Variants in RBFOX1 observed in about 807,000 individuals in gnomAD.
RBFOX1 encodes the protein RNA binding protein fox-1 homolog 1.
A neutral mutation model predicts 57.7 loss-of-function variants in RBFOX1; 8 were observed. The ratio of observed to expected loss-of-function variants is 0.14; its 90% CI spans 0.08 to 0.25. The LOEUF is 0.25. RBFOX1 is among the 10% of genes least tolerant of loss of function. The probability of loss-of-function intolerance (pLI) is 1.00; values close to 1 mark genes in which losing one functional copy is unlikely to be tolerated. For synonymous variants in RBFOX1, 326 were observed against 222.4 expected (o/e 1.47, Z -4.15); for missense variants, 611 against 548.5 (o/e 1.11, Z -1.14).
At chr16:6,489,264 C>G (rs2095575464) in intron 2 of RBFOX1, among the ~76,000 whole-genome samples, 1 of 152,116 alleles carries the variant, frequency 6.6e-6, no homozygotes, top group African/African-American at 2.4e-5. Context: ...CTTCTTTTCC[C>G]TCAGTATTCA....
chr16:7,019,895 T>A (rs1344803098), intron 3 of RBFOX1, among the ~76,000 whole-genome samples: 1 of 152,176 alleles, frequency 6.6e-6, no homozygotes, highest in Non-Finnish European at 1.5e-5. Context: ...GTGTTCCAAC[T>A]AAACCCTGCT....
chr16:6,863,156 G>A lies in RBFOX1; in HGVS notation c.-15-188901G>A, dbSNP rs141840720. On this transcript the variant is annotated intron_variant, in intron 3 of 15. Transcript: ENST00000550418. The stretch of plus-strand genomic sequence containing the variant: ...GAAATTAATAAGCAGGGGATCAAAA[G>A]TCTAGGTGAAAAAACAGGAGGGCTT... 5.9e-3 allele frequency among the ~76,000 whole-genome samples: 900 copies of A among 152,176 alleles called. 7 individuals are homozygous for A. The highest frequency in any genetic ancestry group is 0.01 in the Non-Finnish European group (691 of 67,982).
chr16:6,699,611 G>A (rs1019257), intron 3 of RBFOX1, among the ~76,000 whole-genome samples: 28,850 of 152,074 alleles, frequency 0.19, 3,623 homozygotes, highest in East Asian at 0.46. Context: ...ACTGTACGAC[G>A]GGAAGAGTGT....
At chr16:6,750,609 T>C (rs2154190961) in intron 3 of RBFOX1, among the ~76,000 whole-genome samples, 1 of 152,326 alleles carries the variant, frequency 6.6e-6, no homozygotes, top group African/African-American at 2.4e-5. Context: ...TCAGAGATAT[T>C]TTGAAAGAAA....
chr16:7,326,740 C>T (rs532431524), intron 4 of RBFOX1, among the ~76,000 whole-genome samples: 82 of 152,072 alleles, frequency 5.4e-4, no homozygotes, highest in African/African-American at 1.8e-3. Context: ...GGCGACAGAG[C>T]CCAGATCCCC....
intron 3 of RBFOX1, among the ~76,000 whole-genome samples, chr16:6,907,639 T>C (rs1272126704): frequency 3.3e-5 from 5 of 152,122 alleles, no homozygotes; most frequent in African/African-American, 1.2e-4. Context: ...GGCACGATCT[T>C]GGCTCACTGC....
intron 4 of RBFOX1, among the ~76,000 whole-genome samples, chr16:7,471,770 G>C (rs1210989244): frequency 6.6e-6 from 1 of 152,206 alleles, no homozygotes; most frequent in Non-Finnish European, 1.5e-5. Context: ...AAGACTTTCA[G>C]TCTCTTTCCC....
chr16:7,374,465 T>G (rs939576118), intron 4 of RBFOX1, among the ~76,000 whole-genome samples: 3 of 152,130 alleles, frequency 2.0e-5, no homozygotes, highest in Non-Finnish European at 4.4e-5. Flanking sequence ...TTCCAAGATA[T>G]GGTGTAACTG....
At chr16:5,729,222 C>T (rs1567457661) in intron 3 of RBFOX1, among the ~76,000 whole-genome samples, 2 of 152,108 alleles carry the variant, frequency 1.3e-5, no homozygotes, top group Non-Finnish European at 2.9e-5. Context: ...TGTAGTCTGT[C>T]AGATAGGGGT....
chr16:6,760,519 G>C (rs1297387210), intron 3 of RBFOX1, among the ~76,000 whole-genome samples: 1 of 152,210 alleles, frequency 6.6e-6, no homozygotes, highest in Non-Finnish European at 1.5e-5. Flanking sequence ...AGTGGTATGT[G>C]AAAAGATAAA....
chr16:6,812,951 G>A (rs1440679780), intron 3 of RBFOX1, among the ~76,000 whole-genome samples: 2 of 151,998 alleles, frequency 1.3e-5, no homozygotes, highest in Non-Finnish European at 2.9e-5. Context: ...GGGAGAATAG[G>A]GAAGTAAAGG....
chr16:5,871,732 A>G (rs889040281), intron 4 of RBFOX1, among the ~76,000 whole-genome samples: 2 of 152,198 alleles, frequency 1.3e-5, no homozygotes, highest in African/African-American at 4.8e-5. Flanking sequence ...TTTGAGGAAA[A>G]AAAAAATTCA....
At chr16:5,633,310 T>C (rs1209017736) in intron 3 of RBFOX1, among the ~76,000 whole-genome samples, 1 of 152,200 alleles carries the variant, frequency 6.6e-6, no homozygotes, top group African/African-American at 2.4e-5. Flanking sequence ...CACACACTTC[T>C]GGTTTCTTTT....
intron 2 of RBFOX1, among the ~76,000 whole-genome samples, chr16:6,437,113 C>T (rs975864419): frequency 5.9e-5 from 9 of 152,158 alleles, no homozygotes; most frequent in Non-Finnish European, 1.0e-4. Context: ...GCGATCGTTT[C>T]CTCCCATCTT....
chr16:5,445,199 A>G (rs2068204653), intron 1 of RBFOX1, among the ~76,000 whole-genome samples: 1 of 152,186 alleles, frequency 6.6e-6, no homozygotes, highest in Admixed American at 6.5e-5. Context: ...CCAGAGTGAT[A>G]TTGTGAGGGA....
chr16:7,409,896 A>C (rs778024601), intron 4 of RBFOX1, among the ~76,000 whole-genome samples: 51 of 152,142 alleles, frequency 3.4e-4, no homozygotes, highest in African/African-American at 1.2e-3. Flanking sequence ...AGTTCCGGCA[A>C]TGTCTTAAAT....
chr16:6,599,391 G>A (rs1045526825), intron 2 of RBFOX1, among the ~76,000 whole-genome samples: 1 of 152,068 alleles, frequency 6.6e-6, no homozygotes, highest in South Asian at 2.1e-4. Context: ...TCTTCCTTGG[G>A]AGTTAAAGTA....
At chr16:7,561,484 G>A (rs2090355948) in intron 5 of RBFOX1, among the ~76,000 whole-genome samples, 1 of 152,192 alleles carries the variant, frequency 6.6e-6, no homozygotes, top group South Asian at 2.1e-4. Context: ...TTAGCCTACT[G>A]AGAAACTCCG....
chr16:5,807,513 G>A (rs1270280404), intron 3 of RBFOX1, among the ~76,000 whole-genome samples: 1 of 152,182 alleles, frequency 6.6e-6, no homozygotes, highest in Non-Finnish European at 1.5e-5. Flanking sequence ...GCACAACCAG[G>A]AAATCAATTG....
Sources: allele counts gnomAD v4.1 joint callset (sites outside exome capture counted in the v4.1 genomes callset), GRCh38; gene constraint gnomAD v4.1.1; transcripts MANE v1.5; gene names NCBI Gene and HGNC (gene_info 2026-07-23, HGNC 2026-07-21).